Variants in CAMK1D observed in about 807,000 individuals in gnomAD.
The protein encoded by CAMK1D is calcium/calmodulin dependent protein kinase ID.
A neutral mutation model predicts 47.7 loss-of-function variants in CAMK1D; 9 were observed. The ratio of observed to expected loss-of-function variants is 0.19; its 90% CI spans 0.11 to 0.33. CAMK1D has a LOEUF of 0.33. Ranked by LOEUF, CAMK1D falls within the 10% of genes least tolerant of loss-of-function variation. CAMK1D has a pLI of 1.00. For missense variants in CAMK1D, 291 were observed against 488.7 expected, an observed-to-expected ratio of 0.60 and a Z score of 3.81; for synonymous variants, 184 against 184.9, an observed-to-expected ratio of 0.99 and a Z score of 0.04.
intron 1 of CAMK1D, among the ~76,000 whole-genome samples, chr10:12,524,425 T>C (rs2132203120): frequency 1.3e-5 from 2 of 152,288 alleles, no homozygotes; most frequent in South Asian, 4.2e-4. Context: ...AACATCATTT[T>C]GACCAGGCGC....
At chr10:12,693,319 T>G (rs1361791205) in intron 3 of CAMK1D, among the ~76,000 whole-genome samples, 1 of 151,892 alleles carries the variant, frequency 6.6e-6, no homozygotes, top group Non-Finnish European at 1.5e-5. Flanking sequence ...GAGCTGAGAT[T>G]GCACCACTGC....
intron 2 of CAMK1D, among the ~76,000 whole-genome samples, chr10:12,584,973 T>C (rs1173867958): frequency 6.6e-6 from 1 of 152,124 alleles, no homozygotes; most frequent in Non-Finnish European, 1.5e-5. Flanking sequence ...CCAACAAAAA[T>C]AAGCAAGTCA....
At chr10:12,808,911 G>A (rs1385478679) in intron 6 of CAMK1D, among the ~76,000 whole-genome samples, 1 of 152,034 alleles carries the variant, frequency 6.6e-6, no homozygotes, top group African/African-American at 2.4e-5. Context: ...GAGGCCAGGA[G>A]TTTGAGATCA....
At chr10:12,638,719 G>C (rs1174451693) in intron 2 of CAMK1D, among the ~76,000 whole-genome samples, 1 of 152,194 alleles carries the variant, frequency 6.6e-6, no homozygotes, top group African/African-American at 2.4e-5. Flanking sequence ...GTCTGCTGCA[G>C]GGCTGGCCGA....
At position 12,774,490 on chromosome 10, in the gene CAMK1D, G is replaced by T. The variant is rs117846287; in HGVS notation, c.565+4691G>T. On this transcript the variant is annotated intron_variant, in intron 5 of 10. Transcript: ENST00000619168. ...GACAGTCGGAGAAGTCCTGAGCAGG[G>T]GTATGTGGACCAGGACTTGGAAATC... Among the ~76,000 whole-genome samples, 516 of 152,260 alleles carry T rather than the reference G, an allele frequency of 3.4e-3. 7 individuals carry two copies. The East Asian group carries it at 0.047, about 14-fold the overall frequency.
At chr10:12,613,734 T>C (rs532111809) in intron 2 of CAMK1D, among the ~76,000 whole-genome samples, 2 of 152,302 alleles carry the variant, frequency 1.3e-5, no homozygotes, top group South Asian at 2.1e-4. Flanking sequence ...TGCCTTGGCC[T>C]CCTAAAGGTC....
intron 1 of CAMK1D, among the ~76,000 whole-genome samples, chr10:12,441,208 C>T (rs913092740): frequency 6.6e-6 from 1 of 152,280 alleles, no homozygotes. Flanking sequence ...TTTTTGTTTT[C>T]TTTCGGAGAC....
intron 3 of CAMK1D, among the ~76,000 whole-genome samples, chr10:12,684,532 T>A (rs1483545671): frequency 6.6e-5 from 10 of 152,132 alleles, no homozygotes; most frequent in African/African-American, 2.4e-4. Flanking sequence ...TAGAAGATGA[T>A]CAATTCATGA....
intron 1 of CAMK1D, among the ~76,000 whole-genome samples, chr10:12,536,009 A>T (rs1448645920): frequency 6.6e-6 from 1 of 152,124 alleles, no homozygotes; most frequent in Non-Finnish European, 1.5e-5. Context: ...TGGACTTTGC[A>T]TAGGGAGCTG....
chr10:12,416,655 G>T (rs1250623309), intron 1 of CAMK1D, among the ~76,000 whole-genome samples: 1 of 152,246 alleles, frequency 6.6e-6, no homozygotes, highest in Non-Finnish European at 1.5e-5. Flanking sequence ...TAAGGCCGGG[G>T]TCTTGCTGAG....
At chr10:12,506,183 C>T (rs113544193) in intron 1 of CAMK1D, among the ~76,000 whole-genome samples, 23,690 of 152,014 alleles carry the variant, frequency 0.16, 1,855 homozygotes, top group South Asian at 0.2. Flanking sequence ...CTTTGGGAGG[C>T]TGAGGTGGGA....
chr10:12,525,887 A>G (rs183502015), intron 1 of CAMK1D, among the ~76,000 whole-genome samples: 7 of 152,222 alleles, frequency 4.6e-5, no homozygotes, highest in Admixed American at 4.6e-4. Context: ...CCTCCCAAGT[A>G]GCTGGGATTA....
At chr10:12,375,122 TTC>T (rs1838138941) in intron 1 of CAMK1D, among the ~76,000 whole-genome samples, 1 of 152,040 alleles carries the variant, frequency 6.6e-6, no homozygotes, top group African/African-American at 2.4e-5. Flanking sequence ...CGGGAAAATT[TTC>T]TCTGATGCAA....
chr10:12,591,958 C>T (rs1838008614), intron 2 of CAMK1D, among the ~76,000 whole-genome samples: 1 of 152,220 alleles, frequency 6.6e-6, no homozygotes, highest in African/African-American at 2.4e-5. Flanking sequence ...TCCCAAAGTG[C>T]TAGGATTACA....
chr10:12,399,458 C>T lies in CAMK1D; in HGVS notation c.92+49548C>T, dbSNP rs147699611. Among the ~76,000 whole-genome samples, 513 of 151,666 alleles carry T rather than the reference C, an allele frequency of 3.4e-3. 2 individuals carry two copies. The highest frequency in any genetic ancestry group is 0.011 in the African/African-American group (454 of 41,314). The stretch of plus-strand genomic sequence containing the variant: ...GGTGGAGGTTGCAGTGAGCTGAGAT[C>T]GCACCACTGCACTCTTGCCTGGGTG... On this transcript the variant is annotated intron_variant, in intron 1 of 10. Coordinates refer to ENST00000619168, the MANE Select transcript of CAMK1D (RefSeq NM_153498.4).
intron 2 of CAMK1D, among the ~76,000 whole-genome samples, chr10:12,599,291 A>G (rs1419832536): frequency 6.6e-6 from 1 of 152,158 alleles, no homozygotes; most frequent in African/African-American, 2.4e-5. Flanking sequence ...TGAGAGTGGA[A>G]GGGAGAAATT....
intron 1 of CAMK1D, among the ~76,000 whole-genome samples, chr10:12,532,396 C>T (rs920141574): frequency 6.6e-5 from 10 of 151,322 alleles, no homozygotes; most frequent in Non-Finnish European, 1.3e-4. Context: ...TCTCCTGCCT[C>T]AGCCTCCCAA....
chr10:12,574,135 A>G (rs544178948), intron 2 of CAMK1D, among the ~76,000 whole-genome samples: 203 of 152,320 alleles, frequency 1.3e-3, no homozygotes, highest in Non-Finnish European at 1.8e-3. Context: ...GAGTTGCCAA[A>G]CATCATAGCC....
At chr10:12,772,628 T>C (rs1441063217) in intron 5 of CAMK1D, among the ~76,000 whole-genome samples, 1 of 152,212 alleles carries the variant, frequency 6.6e-6, no homozygotes, top group Non-Finnish European at 1.5e-5. Context: ...TTGATTGCTG[T>C]GTCTGGCACT....
Sources: allele counts gnomAD v4.1 joint callset (sites outside exome capture counted in the v4.1 genomes callset), GRCh38; gene constraint gnomAD v4.1.1; transcripts MANE v1.5; gene names NCBI Gene and HGNC (gene_info 2026-07-23, HGNC 2026-07-21).